PLEKHA6: variants seen among roughly 807,000 people sequenced by gnomAD.
PLEKHA6 encodes the protein pleckstrin homology domain containing A6, also known as pleckstrin homology domain-containing family A member 6.
PLEKHA6 carries 60 observed loss-of-function variants against 116.7 expected under a neutral mutation model. The observed-to-expected ratio is 0.51, with a 90% CI of 0.42 to 0.64. The LOEUF is 0.64. Among genes scored for constraint, PLEKHA6 ranks in the 30% least tolerant of loss-of-function variants. The pLI, the probability that PLEKHA6 is intolerant of heterozygous loss-of-function variation, is 0.00. For missense variants in PLEKHA6, 1,338 were observed against 1,422.7 expected (o/e 0.94, Z 0.96); for synonymous variants, 489 against 556.1 (o/e 0.88, Z 1.70).
intron 1 of PLEKHA6, among the ~76,000 whole-genome samples, chr1:204,335,770 C>G (rs1320094195): frequency 1.3e-5 from 2 of 152,116 alleles, no homozygotes; most frequent in African/African-American, 4.8e-5. Context: ...GCCAGCTGCT[C>G]TGAGCTGGGC....
In PLEKHA6 at chr1:204,314,732, C is replaced by A. The variant is rs1285306606; in HGVS notation, c.-94-39923G>T. Among the ~76,000 whole-genome samples, 4 of 152,224 alleles carry A rather than the reference C, an allele frequency of 2.6e-5. No individual in the cohort carries two copies. In the East Asian group the frequency reaches 7.7e-4, roughly 29 times the overall value. On this transcript the variant is annotated intron_variant, in intron 1 of 22. Transcript: ENST00000272203. ...GGCCCTTATCTCCCTGCCTCAGAGACCTTTATCCACTTCATCTCTTACCTC... is the reference window on the plus strand; with the variant it reads ...GGCCCTTATCTCCCTGCCTCAGAGAACTTTATCCACTTCATCTCTTACCTC...
At chr1:204,287,160 G>A (rs569109917) in intron 1 of PLEKHA6, among the ~76,000 whole-genome samples, 40 of 152,074 alleles carry the variant, frequency 2.6e-4, no homozygotes, top group African/African-American at 9.4e-4. Flanking sequence ...AAAGAGGCAA[G>A]GGAACAAAAG....
chr1:204,259,598 G>T lies in PLEKHA6; in HGVS notation c.667C>A (p.Pro223Thr), dbSNP rs758004158. Residue 223 changes from proline (P) to threonine (T), a missense_variant, in exon 8 of 23, where the codon CCT becomes ACT. Pro to Thr is a conservative substitution (Grantham distance 38). Around this residue, in one of 3 missense-constraint regions of PLEKHA6, gnomAD observed 1,136 missense variants for 1,163.6 expected, o/e 0.98. Transcript: ENST00000272203. This position sits in a 1 kb window ranked among gnomAD's most constrained non-coding sequence, Gnocchi z 4.6. ...TCTTTCTTGACTTCTGGCCTCTCAG[G>T]CCTTCTCTCTGCCTTCTCACAGCCT... ...GRGCEKAERR[P>T]ERPEVKKEPP... The T allele has an allele frequency of 1.9e-6, 3 of 1,614,090 alleles. No homozygotes were observed. Among genetic ancestry groups the T allele is most frequent in the Non-Finnish European group, 2.5e-6 (3 of 1,180,040 alleles).
At chr1:204,301,295 T>C in intron 1 of PLEKHA6, 1 of 968,020 alleles carries the variant, frequency 1.0e-6, no homozygotes, top group Non-Finnish European at 1.2e-6. Flanking sequence ...ATCACCAGTC[T>C]GGAGAGTCTC....
intron 6 of PLEKHA6, among the ~76,000 whole-genome samples, chr1:204,262,992 G>A (rs1321913357): frequency 2.6e-5 from 4 of 152,122 alleles, no homozygotes; most frequent in Admixed American, 6.5e-5. Flanking sequence ...GGGTGGGAGC[G>A]GGCAGCAAAT....
At chr1:204,366,479 G>A (rs886856918) in intron 3 of PLEKHA6, among the ~76,000 whole-genome samples, 7 of 152,182 alleles carry the variant, frequency 4.6e-5, no homozygotes, top group African/African-American at 7.2e-5. Context: ...TGGTTAACAG[G>A]CCCAGGCATG....
rs77146763 is a variant in PLEKHA6, at chr1:204,225,450, T to C, written c.3032-1865A>G. On this transcript the variant is annotated intron_variant, in intron 21 of 22. Transcript: ENST00000272203. ...AATGTGTGCAATCACAAGTACCACA[T>C]GCATGCAGAAATGATCAGTCACACA... is the stretch of plus-strand genomic sequence containing the variant. Among the ~76,000 whole-genome samples the C allele has an allele frequency of 8.5e-5, 13 of 152,344 alleles. No individual in the cohort carries two copies. In the East Asian group the frequency reaches 2.5e-3, roughly 29 times the overall value.
chr1:204,236,153 G>C (rs938460257), intron 17 of PLEKHA6, among the ~76,000 whole-genome samples: 2 of 152,190 alleles, frequency 1.3e-5, no homozygotes, highest in Admixed American at 6.5e-5. Context: ...ACATAGTGTT[G>C]GATCAGGCTG....
At chr1:204,369,567 C>T (rs1256374857) in intron 2 of PLEKHA6, 1 of 152,254 alleles carries the variant, frequency 6.6e-6, no homozygotes. Context: ...CTGCCTTTTT[C>T]TAGCAACTTC....
At chr1:204,317,315 G>A (rs924227112) in intron 1 of PLEKHA6, 6 of 360,094 alleles carry the variant, frequency 1.7e-5, no homozygotes, top group African/African-American at 2.2e-5. Flanking sequence ...ATTTGAGTCT[G>A]GGAAGAGATA....
chr1:204,295,989 G>A (rs960740195), intron 1 of PLEKHA6, among the ~76,000 whole-genome samples: 19 of 152,172 alleles, frequency 1.2e-4, no homozygotes, highest in African/African-American at 3.4e-4. Context: ...CAGAAGCTAC[G>A]GGGTGCACGC....
intron 1 of PLEKHA6, among the ~76,000 whole-genome samples, chr1:204,290,063 T>C (rs1669592320): frequency 6.6e-6 from 1 of 152,034 alleles, no homozygotes; most frequent in Non-Finnish European, 1.5e-5. Context: ...AGGAGAAAAA[T>C]ACTGTTTTCA....
intron 1 of PLEKHA6, chr1:204,313,697 C>T (rs762825639): frequency 1.1e-4 from 109 of 985,232 alleles, no homozygotes; most frequent in Middle Eastern, 5.2e-4. Flanking sequence ...TTTCACCTGA[C>T]ATTCTGCAGC....
intron 1 of PLEKHA6, among the ~76,000 whole-genome samples, chr1:204,338,414 T>G (rs1672730775): frequency 6.6e-6 from 1 of 152,138 alleles, no homozygotes; most frequent in African/African-American, 2.4e-5. Context: ...CCCCGCTCCA[T>G]TAAGGTCATT....
chr1:204,297,061 A>T lies in PLEKHA6; in HGVS notation c.-94-22252T>A, dbSNP rs906943452. 1.1e-5 allele frequency: 11 copies of T among 973,824 alleles called. No homozygotes were observed. The African/African-American group carries it at 1.9e-4, about 17-fold the overall frequency. 60.3% of individuals were successfully genotyped at this position (973,824 alleles called of 1,614,324 possible). On this transcript the variant is annotated intron_variant, in intron 1 of 22. Coordinates refer to ENST00000272203, the MANE Select transcript of PLEKHA6 (RefSeq NM_014935.5). ...CCCATCCCTGCAGATTTCTTTTTTT[A>T]AACTACCAGCTCCATGGAGAGAGAA...
At chr1:204,323,940 A>G (rs994704372) in intron 1 of PLEKHA6, among the ~76,000 whole-genome samples, 3 of 152,204 alleles carry the variant, frequency 2.0e-5, no homozygotes, top group Non-Finnish European at 2.9e-5. Context: ...CTGACTCCAG[A>G]GCTGTGCTCT....
chr1:204,256,832 G>A (rs1019667235), intron 9 of PLEKHA6: 1 of 663,734 alleles, frequency 1.5e-6, no homozygotes, highest in Non-Finnish European at 2.7e-6. Flanking sequence ...GGGATGGTGG[G>A]TAGTTGTAGG....
chr1:204,370,355 A>T (rs1026376929), intron 2 of PLEKHA6, among the ~76,000 whole-genome samples: 1 of 152,232 alleles, frequency 6.6e-6, no homozygotes, highest in East Asian at 1.9e-4. Context: ...CCTTGGAACC[A>T]GGCGCCTAGT....
chr1:204,251,662 A>G (rs1054042350), intron 9 of PLEKHA6: 4 of 693,698 alleles, frequency 5.8e-6, no homozygotes, highest in African/African-American at 3.5e-5. Flanking sequence ...ACATGTAGGT[A>G]TCTCCCCTTC....
Sources: gnomAD v4.1 joint callset for allele counts (sites outside exome capture counted in the v4.1 genomes callset) on GRCh38, gnomAD v4.1.1 for gene constraint, gnomAD v4.1.1 regional missense constraint, Gnocchi (gnomAD v3.1) non-coding constraint, MANE v1.5 for transcripts, NCBI Gene and HGNC (gene_info 2026-07-23, HGNC 2026-07-21) for gene names.